KLC3: variants seen among roughly 807,000 people sequenced by gnomAD.
KLC3 encodes kinesin light chain 2.
In KLC3, 72 loss-of-function variants were observed where a neutral mutation model predicts 62.9. The ratio of observed to expected loss-of-function variants is 1.15; its 90% CI spans 0.95 to 1.39. The LOEUF is 1.39. Among genes scored for constraint, KLC3 ranks in the 40% most tolerant of loss-of-function variants. KLC3 has a pLI of 0.00. For missense variants in KLC3, 848 were observed against 691.6 expected (o/e 1.23, Z -2.54); for synonymous variants, 377 against 300.5 (o/e 1.25, Z -2.63).
intron 11 of KLC3, 26 bp downstream of exon 11, chr19:45,350,773 A>T (rs1261004270): frequency 6.3e-7 from 1 of 1,588,160 alleles, no homozygotes; most frequent in Admixed American, 1.8e-5. Context: ...GTCGGCAAAG[A>T]GCCCTGACAT....
At position 45,350,974 on chromosome 19, in the gene KLC3, T is replaced by C; in HGVS notation, c.1400T>C (p.Leu467Pro). 1 of 1,613,984 alleles carries C rather than the reference T, an allele frequency of 6.2e-7. No homozygotes were observed. Among genetic ancestry groups the C allele is most frequent in the Non-Finnish European group, 8.5e-7 (1 of 1,179,984 alleles). ...GAAGMKRAMS[L>P]NTLNVDAPRA... ...TGCAGAATGAAGAGAGCCATGTCAC[T>C]CAACACACTGAACGTGGATGCTCCA... Residue 467 changes from leucine (L) to proline (P), a missense_variant, in exon 12 of 13, where the codon CTC (leucine) becomes CCC (proline). Leu to Pro is a moderately conservative substitution (Grantham distance 98). Coordinates refer to ENST00000391946, the MANE Select transcript of KLC3 (RefSeq NM_177417.3).
At chr19:45,341,962 A>G (rs911985178) in intron 1 of KLC3, among the ~76,000 whole-genome samples, 1 of 151,924 alleles carries the variant, frequency 6.6e-6, no homozygotes, top group African/African-American at 2.4e-5. Context: ...GTCAGGGATC[A>G]GTGTGTGGGA....
intron 1 of KLC3, 127 bp from the exon 2 acceptor site, chr19:45,345,407 G>A (rs1163820178): frequency 2.4e-6 from 3 of 1,269,342 alleles, no homozygotes; most frequent in Admixed American, 4.2e-5. Flanking sequence ...GCCAGGATGG[G>A]TGGAGCAGGG....
At chr19:45,342,945 TG>T in intron 1 of KLC3, among the ~76,000 whole-genome samples, 1 of 152,288 alleles carries the variant, frequency 6.6e-6, no homozygotes, top group South Asian at 2.1e-4. Flanking sequence ...GGGCTGCTTA[TG>T]GTGGATGCAG....
chr19:45,340,766 G>C lies in KLC3; in HGVS notation c.-89G>C, dbSNP rs998736032. 16 of 152,032 alleles carry C rather than the reference G, an allele frequency of 1.1e-4. No homozygotes were observed. Among genetic ancestry groups the C allele is most frequent in the Non-Finnish European group, 1.3e-4 (9 of 67,948 alleles). 9.4% of individuals were successfully genotyped at this position (152,032 alleles called of 1,614,324 possible). A position where few individuals can be genotyped will look rare whatever the true frequency, so the allele number is the denominator to read the frequency against. ...CGAGGTCCCAGACGCCCGGCGCAGC[G>C]GGAGCGGCGGGGCGTGCCTGGCCTG... On this transcript the variant is annotated 5_prime_UTR_variant, in exon 1 of 13. Transcript: ENST00000391946.
chr19:45,350,616 A>G, intron 10 of KLC3, 25 bp from the exon 11 acceptor site: 3 of 1,612,562 alleles, frequency 1.9e-6, no homozygotes, highest in Non-Finnish European at 2.5e-6. Context: ...TGGGGGACTG[A>G]GCAGCATCCC....
At position 45,350,745 on chromosome 19, in the gene KLC3, C is replaced by A. The variant is rs200512408; in HGVS notation, c.1377C>A (p.Ala459=). 1.9e-6 allele frequency: 3 copies of A among 1,609,618 alleles called. No individual in the cohort carries two copies. The highest frequency in any genetic ancestry group is 1.7e-4 in the Middle Eastern group (1 of 5,998). ...GAGGCGAGGCGGCGGCAGGAGCAGC[C>A]GGGTGAGTGTTGATCAGGTCGGCAA... is the stretch of plus-strand genomic sequence containing the variant. ...RLRGEAAAGA[A]GMKRAMSLNT... is the part of the protein sequence containing the mutation. Residue 459 remains alanine, a splice_region_variant and synonymous_variant, in exon 11 of 13, where the codon GCC becomes GCA. Coordinates refer to ENST00000391946, the MANE Select transcript of KLC3 (RefSeq NM_177417.3).
Position 45,346,538 on chromosome 19 carries a change from G to A in KLC3, c.259-6G>A, listed in dbSNP as rs376498079. On this transcript the variant is annotated splice_region_variant and splice_polypyrimidine_tract_variant and intron_variant, in intron 2 of 12. Coordinates refer to ENST00000391946, the MANE Select transcript of KLC3 (RefSeq NM_177417.3). ...AACCTCGACTTGGGACCCCCACCCC[G>A]GGCAGGTGCTGCTGGCCCTGTCGGC... 1.6e-4 allele frequency: 243 copies of A among 1,522,908 alleles called. No individual in the cohort carries two copies. Among genetic ancestry groups the A allele is most frequent in the African/African-American group, 9.2e-4 (67 of 72,744 alleles). 94.3% of individuals were successfully genotyped at this position (1,522,908 alleles called of 1,614,324 possible).
chr19:45,350,308 C>T lies in KLC3; in HGVS notation c.1144-33C>T, dbSNP rs189392989. The T allele has an allele frequency of 1.9e-6, 3 of 1,583,790 alleles. No homozygotes were observed. In the East Asian group the frequency reaches 6.7e-5, roughly 35 times the overall value. On this transcript the variant is annotated intron_variant, in intron 8 of 12. Coordinates refer to ENST00000391946, the MANE Select transcript of KLC3 (RefSeq NM_177417.3). ...TGGATGCAGTGTTGGGAACTGGGGT[C>T]CGAAAAGTTCCCAGACACTCCCTTC...
At chr19:45,351,250 ACCTCC>A (rs747867172) in intron 12 of KLC3, 31 bp from the exon 13 acceptor site, 5 of 694,200 alleles carry the variant, frequency 7.2e-6, no homozygotes, top group Non-Finnish European at 1.1e-5. Context: ...CTTGCCCCTC[ACCTCC>A]CCTCCAACCA....
Position 45,346,553 on chromosome 19 carries a change from G to C in KLC3, c.268G>C (p.Ala90Pro). 1 of 1,534,824 alleles carries C rather than the reference G, an allele frequency of 6.5e-7. No individual in the cohort carries two copies. Among genetic ancestry groups the C allele is most frequent in the Non-Finnish European group, 8.8e-7 (1 of 1,137,348 alleles). Residue 90 changes from alanine to proline, a missense_variant, in exon 3 of 13, where the codon GCC (alanine) becomes CCC (proline). Ala to Pro is a conservative substitution (Grantham distance 27). Transcript: ENST00000391946. ...LGLGEAQVLLALSAHVGALEA... is the reference protein window; with the variant it reads ...LGLGEAQVLLPLSAHVGALEA... ...CCCCCACCCCGGGCAGGTGCTGCTGGCCCTGTCGGCACATGTGGGTGCACT... is the reference window on the plus strand; with the variant it reads ...CCCCCACCCCGGGCAGGTGCTGCTGCCCCTGTCGGCACATGTGGGTGCACT...
chr19:45,348,325 G>A (rs1242707520), intron 5 of KLC3, among the ~76,000 whole-genome samples, 165 bp downstream of exon 5: 1 of 152,144 alleles, frequency 6.6e-6, no homozygotes, highest in Non-Finnish European at 1.5e-5. Context: ...CTGTGAGAAC[G>A]GCAAAGAGGG....
In KLC3 at chr19:45,351,510, G is replaced by GT; in HGVS notation, c.*154dup. The GT allele has an allele frequency of 6.7e-7, 1 of 1,483,578 alleles. No individual in the cohort carries two copies. Among genetic ancestry groups the GT allele is most frequent in the Non-Finnish European group, 9.2e-7 (1 of 1,082,474 alleles). 91.9% of individuals were successfully genotyped at this position (1,483,578 alleles called of 1,614,324 possible). A position where few individuals can be genotyped will look rare whatever the true frequency, so the allele number is the denominator to read the frequency against. ...TCTCCTGCGATTAAAGGCTGTGGAC[G>GT]TGACAGTGAGAAATGTCACCTGACT... On this transcript the variant is annotated 3_prime_UTR_variant, in exon 13 of 13. Transcript: ENST00000391946.
chr19:45,347,941 G>C lies in KLC3; in HGVS notation c.560G>C (p.Gly187Ala), dbSNP rs765406475. ...CCAGAGCCCACCCCACCCCACCTAG[G>C]TCCTGAGGCCGCAGGAGCAGCAGCT... ...LFPSEEEERK[G>A]PEAAGAAAAQ... The change falls in exon 5 of 13, where the codon GGT becomes GCT. Residue 187 changes from glycine (G) to alanine (A), a missense_variant and splice_region_variant. Physicochemically the swap from Gly to Ala is moderately conservative, Grantham distance 60. Coordinates refer to ENST00000391946, the MANE Select transcript of KLC3 (RefSeq NM_177417.3). The C allele has an allele frequency of 6.3e-7, 1 of 1,599,284 alleles. No individual in the cohort carries two copies. Among genetic ancestry groups the C allele is most frequent in the Non-Finnish European group, 8.5e-7 (1 of 1,173,322 alleles).
rs1971466814 is a variant in KLC3 at position 45,345,414 on chromosome 19, AG to A, written c.-8-117del. The stretch of plus-strand genomic sequence containing the variant: ...GAGGGCTGGCCAGGATGGGTGGAGC[AG>A]GGAAGAGCCAGGATGGGGAGAAGTT... On this transcript the variant is annotated intron_variant, in intron 1 of 12. Coordinates refer to ENST00000391946, the MANE Select transcript of KLC3 (RefSeq NM_177417.3). 5.2e-6 allele frequency: 7 copies of A among 1,335,820 alleles called. No homozygotes were observed. The Admixed American group carries it at 8.2e-5, about 16-fold the overall frequency. The allele number at this position is 1,335,820 out of a possible 1,614,324, so 82.7% of individuals were successfully genotyped here.
intron 8 of KLC3, chr19:45,349,851 A>AT (rs1971631456): frequency 3.8e-6 from 2 of 522,140 alleles, no homozygotes; most frequent in Admixed American, 3.6e-5. Flanking sequence ...AGCAGCAGAC[A>AT]TTTATTGAGC....
At chr19:45,349,702 G>GGGGGGA in intron 8 of KLC3, 100 bp downstream of exon 8, 1 of 813,448 alleles carries the variant, frequency 1.2e-6, no homozygotes, top group Non-Finnish European at 1.8e-6. Flanking sequence ...AGGGTGGGGG[G>GGGGGGA]GGGCCCCCCA....
chr19:45,349,832 A>C, intron 8 of KLC3: 1 of 542,718 alleles, frequency 1.8e-6, no homozygotes, highest in African/African-American at 1.9e-5. Flanking sequence ...GCTGGCAGGC[A>C]CAGGTGGCAG....
rs766909609 is a variant in KLC3 at position 45,350,667 on chromosome 19, CAAGATCCGTGAGTCT to C, written c.1301_1315del (p.Lys434_Ser438del). 3.7e-6 allele frequency: 6 copies of C among 1,613,524 alleles called. No homozygotes were observed. The South Asian group carries it at 5.5e-5, about 15-fold the overall frequency. ...CCCTTCGCCGCAGCAGCTCACTCTC[CAAGATCCGTGAGTCT>C]ATCAGGCGAGGAAGTGAGAAGCTGG... On this transcript the variant is annotated inframe_deletion, in exon 11 of 13. Coordinates refer to ENST00000391946, the MANE Select transcript of KLC3 (RefSeq NM_177417.3).
Sources: gnomAD v4.1 joint callset for allele counts (sites outside exome capture counted in the v4.1 genomes callset) on GRCh38, gnomAD v4.1.1 for gene constraint, MANE v1.5 for transcripts, NCBI Gene and HGNC (gene_info 2026-07-23, HGNC 2026-07-21) for gene names.